CNTNAP2: variants seen among roughly 807,000 people sequenced by gnomAD.
CNTNAP2 encodes the protein contactin associated protein 2, also known as contactin-associated protein-like 2.
In CNTNAP2, 98 loss-of-function variants were observed where a neutral mutation model predicts 155.2. The observed-to-expected ratio is 0.63, with a 90% CI of 0.54 to 0.75. CNTNAP2 has a LOEUF of 0.75. CNTNAP2 is among the 30% of genes least tolerant of loss of function. The pLI, the probability that CNTNAP2 is intolerant of heterozygous loss-of-function variation, is 0.00. For missense variants in CNTNAP2, 1,727 were observed against 1,688.1 expected, an observed-to-expected ratio of 1.02 and a Z score of -0.40; for synonymous variants, 651 against 631.2, an observed-to-expected ratio of 1.03 and a Z score of -0.47.
chr7:148,034,487 C>T (rs1802537406), intron 15 of CNTNAP2, among the ~76,000 whole-genome samples: 1 of 152,222 alleles, frequency 6.6e-6, no homozygotes, highest in East Asian at 1.9e-4. Flanking sequence ...ATGAGTTTGA[C>T]CCCCTCTTGC....
chr7:146,130,806 G>A (rs1283974946), intron 1 of CNTNAP2, among the ~76,000 whole-genome samples: 1 of 152,186 alleles, frequency 6.6e-6, no homozygotes, highest in African/African-American at 2.4e-5. Flanking sequence ...CAAAGGGGAA[G>A]CAAAGGCACG....
At chr7:147,101,941 G>C (rs1476260925) in intron 4 of CNTNAP2, among the ~76,000 whole-genome samples, 1 of 152,078 alleles carries the variant, frequency 6.6e-6, no homozygotes, top group Non-Finnish European at 1.5e-5. Context: ...TAGCACCACG[G>C]TTTGCGGGCT....
chr7:147,649,130 A>C (rs949979776), intron 13 of CNTNAP2, among the ~76,000 whole-genome samples: 1 of 152,216 alleles, frequency 6.6e-6, no homozygotes, highest in South Asian at 2.1e-4. Flanking sequence ...CTCGAGTTGT[A>C]CTAAAAGGGT....
chr7:148,397,204 C>T (rs577793687), intron 22 of CNTNAP2, among the ~76,000 whole-genome samples: 1 of 152,310 alleles, frequency 6.6e-6, no homozygotes, highest in South Asian at 2.1e-4. Flanking sequence ...GACTGGGTGG[C>T]CACAGAAGTG....
intron 3 of CNTNAP2, among the ~76,000 whole-genome samples, chr7:146,918,158 G>C (rs139276275): frequency 0.037 from 5,641 of 152,196 alleles, 108 homozygotes; most frequent in South Asian, 0.079. Context: ...TTAAAGTGGA[G>C]CATTTAGGCC....
intron 3 of CNTNAP2, among the ~76,000 whole-genome samples, chr7:146,984,293 G>A (rs1798073594): frequency 1.3e-5 from 2 of 150,826 alleles, no homozygotes; most frequent in Non-Finnish European, 3.0e-5. Flanking sequence ...CTTGAATCCT[G>A]GAGGCTGAGG....
At chr7:146,856,450 C>G (rs1034014278) in intron 3 of CNTNAP2, among the ~76,000 whole-genome samples, 6 of 151,994 alleles carry the variant, frequency 3.9e-5, no homozygotes, top group African/African-American at 1.5e-4. Flanking sequence ...GGTGGGAACT[C>G]AAGTCATCAT....
At chr7:148,390,089 C>G (rs1799313152) in intron 22 of CNTNAP2, among the ~76,000 whole-genome samples, 1 of 152,036 alleles carries the variant, frequency 6.6e-6, no homozygotes. Flanking sequence ...AACTGAATAC[C>G]CAAATACTGC....
intron 2 of CNTNAP2, among the ~76,000 whole-genome samples, chr7:146,790,919 C>T (rs1048234945): frequency 6.6e-6 from 1 of 150,688 alleles, no homozygotes; most frequent in African/African-American, 2.5e-5. Context: ...CTTTGAGTAC[C>T]TCAGTCTTTT....
At chr7:147,384,167 T>C (rs1443778032) in intron 9 of CNTNAP2, among the ~76,000 whole-genome samples, 3 of 152,094 alleles carry the variant, frequency 2.0e-5, no homozygotes, top group South Asian at 2.1e-4. Context: ...TGACCAAGGA[T>C]AGACATCTTA....
At chr7:146,182,648 C>T (rs1344706101) in intron 1 of CNTNAP2, among the ~76,000 whole-genome samples, 1 of 152,228 alleles carries the variant, frequency 6.6e-6, no homozygotes, top group African/African-American at 2.4e-5. Context: ...CTTTCTCCTT[C>T]TGGCACAGCA....
At chr7:146,615,615 ACT>A (rs1799211586) in intron 1 of CNTNAP2, among the ~76,000 whole-genome samples, 1 of 152,050 alleles carries the variant, frequency 6.6e-6, no homozygotes, top group Non-Finnish European at 1.5e-5. Flanking sequence ...AGCACCTGAG[ACT>A]CTTTCTGAAG....
chr7:147,423,746 A>C (rs1189358049), intron 10 of CNTNAP2, among the ~76,000 whole-genome samples: 1 of 152,194 alleles, frequency 6.6e-6, no homozygotes, highest in East Asian at 1.9e-4. Context: ...CTGGAACTCA[A>C]CATAATCATT....
At chr7:147,406,971 A>C (rs1797014815) in intron 10 of CNTNAP2, among the ~76,000 whole-genome samples, 1 of 152,140 alleles carries the variant, frequency 6.6e-6, no homozygotes, top group African/African-American at 2.4e-5. Context: ...TTTTACTGTG[A>C]TAGTTTCATG....
At chr7:147,190,754 A>G (rs1319294339) in intron 8 of CNTNAP2, among the ~76,000 whole-genome samples, 1 of 152,192 alleles carries the variant, frequency 6.6e-6, no homozygotes, top group African/African-American at 2.4e-5. Flanking sequence ...TGGCTGGCAA[A>G]CTGGTGACTT....
At chr7:147,310,635 T>A (rs1474276733) in intron 9 of CNTNAP2, among the ~76,000 whole-genome samples, 2 of 152,168 alleles carry the variant, frequency 1.3e-5, no homozygotes, top group East Asian at 3.8e-4. Flanking sequence ...CATAAATAAG[T>A]CTACAGTTTA....
At chr7:146,682,660 T>C (rs1286883637) in intron 1 of CNTNAP2, among the ~76,000 whole-genome samples, 1 of 152,196 alleles carries the variant, frequency 6.6e-6, no homozygotes, top group African/African-American at 2.4e-5. Context: ...TGTAACTCTG[T>C]TGTGAAAAGA....
intron 1 of CNTNAP2, among the ~76,000 whole-genome samples, chr7:146,501,262 A>G (rs1041372550): frequency 6.6e-6 from 1 of 152,106 alleles, no homozygotes; most frequent in African/African-American, 2.4e-5. Flanking sequence ...CTTCTATTCT[A>G]TATTTTGGAA....
intron 13 of CNTNAP2, among the ~76,000 whole-genome samples, chr7:147,811,834 C>T (rs1187098483): frequency 6.6e-6 from 1 of 152,030 alleles, no homozygotes; most frequent in Non-Finnish European, 1.5e-5. Context: ...TCAACAAATA[C>T]TTGTTGAGTG....
Sources: gnomAD v4.1 joint callset for allele counts (sites outside exome capture counted in the v4.1 genomes callset) on GRCh38, gnomAD v4.1.1 for gene constraint, MANE v1.5 for transcripts, NCBI Gene and HGNC (gene_info 2026-07-23, HGNC 2026-07-21) for gene names.